Variants in IRF4 observed in about 807,000 individuals in gnomAD.
The protein encoded by IRF4 is lymphocyte-specific interferon regulatory factor.
Under a neutral mutation model 55.5 loss-of-function variants are expected in IRF4, and 13 were observed. That is an observed-to-expected ratio of 0.23 (90% CI 0.15 to 0.37). IRF4 has a LOEUF of 0.37. Ranked by LOEUF, IRF4 falls within the 10% of genes least tolerant of loss-of-function variation. IRF4 has a pLI of 1.00. For synonymous variants in IRF4, 249 were observed against 240.7 expected, an observed-to-expected ratio of 1.03 and a Z score of -0.32; for missense variants, 397 against 593.8, an observed-to-expected ratio of 0.67 and a Z score of 3.44.
chr6:405,815 T>C (rs1761529770), intron 8 of IRF4, among the ~76,000 whole-genome samples: 2 of 152,208 alleles, frequency 1.3e-5, no homozygotes, highest in Admixed American at 6.5e-5. Flanking sequence ...AAGGTTTCCA[T>C]AGATAACATG....
Position 404,286 on chromosome 6 carries a change from C to T in IRF4, c.1100-732C>T, listed in dbSNP as rs941217533. Among the ~76,000 whole-genome samples, 9 of 152,268 alleles carry T rather than the reference C, an allele frequency of 5.9e-5. No homozygotes were observed. In the South Asian group the frequency reaches 1.7e-3, roughly 28 times the overall value. ...TTGTCTTTCCAACAATGTTCCAGTC[C>T]GTTTTGTATCTTTTGGGTAGGTGTG... On this transcript the variant is annotated intron_variant, in intron 7 of 8. Transcript: ENST00000380956.
intron 5 of IRF4, 135 bp downstream of exon 5, chr6:397,387 G>T: frequency 1.9e-6 from 2 of 1,061,540 alleles, no homozygotes; most frequent in East Asian, 2.5e-5. Context: ...AGCTCGGGGA[G>T]AGGGGGGTTT....
At chr6:400,045 GC>G (rs1761358787) in intron 6 of IRF4, among the ~76,000 whole-genome samples, 1 of 152,126 alleles carries the variant, frequency 6.6e-6, no homozygotes, top group African/African-American at 2.4e-5. Flanking sequence ...AATGAAACCT[GC>G]CCCGAGAATC....
At chr6:397,539 G>A (rs1761299473) in intron 5 of IRF4, 2 of 350,318 alleles carry the variant, frequency 5.7e-6, no homozygotes, top group Non-Finnish European at 1.0e-5. Context: ...TTTTTATATA[G>A]AGAGGAGATT....
intron 8 of IRF4, among the ~76,000 whole-genome samples, chr6:406,514 C>T (rs898499746): frequency 3.3e-5 from 5 of 151,842 alleles, no homozygotes; most frequent in African/African-American, 7.3e-5. Context: ...TGCACTCCAG[C>T]CTGGGTGACA....
intron 6 of IRF4, among the ~76,000 whole-genome samples, chr6:399,582 T>C (rs1212199928): frequency 6.6e-6 from 1 of 151,986 alleles, no homozygotes; most frequent in African/African-American, 2.4e-5. Context: ...CAAGCACACG[T>C]GCTATATGTA....
intron 1 of IRF4, 100 bp from the exon 2 acceptor site, chr6:392,995 GCCT>G: frequency 1.5e-6 from 1 of 656,238 alleles, no homozygotes; most frequent in Non-Finnish European, 2.5e-6. Context: ...GCGCTTCGCA[GCCT>G]CAAAGACTCC....
At chr6:404,905 C>T (rs112639194) in intron 7 of IRF4, 113 bp from the exon 8 acceptor site, 31 of 673,894 alleles carry the variant, frequency 4.6e-5, no homozygotes, top group African/African-American at 2.7e-4. Context: ...AGTAAGAGTG[C>T]TCATTCCTCT....
In IRF4 at chr6:409,445, TAAAAA is replaced by T. The variant is rs1001661137; in HGVS notation, c.*1848_*1852del. 1.4e-5 allele frequency: 3 copies of T among 207,532 alleles called. No individual in the cohort carries two copies. The highest frequency in any genetic ancestry group is 6.8e-5 in the African/African-American group (3 of 43,988). The allele number at this position is 207,532 out of a possible 1,614,324, so 12.9% of individuals were successfully genotyped here. The stretch of plus-strand genomic sequence containing the variant: ...ACTTTTCTGTAAATATACATAAACT[TAAAAA>T]GAAAACCTCATGGAGTCATCTTGCA... On this transcript the variant is annotated 3_prime_UTR_variant, in exon 9 of 9. Coordinates refer to ENST00000380956, the MANE Select transcript of IRF4 (RefSeq NM_002460.4).
intron 2 of IRF4, among the ~76,000 whole-genome samples, chr6:394,254 G>A (rs999195545): frequency 1.3e-5 from 2 of 152,280 alleles, no homozygotes; most frequent in South Asian, 2.1e-4. Flanking sequence ...CACTGGGTGG[G>A]TAGAGCCCCC....
chr6:407,622 C>CA lies in IRF4; in HGVS notation c.*24_*25insA. On this transcript the variant is annotated 3_prime_UTR_variant, in exon 9 of 9. Transcript: ENST00000380956. ...GAAAAATGTCAAGATGAGTGGTTTT[C>CA]TTTTTCCTTTTTTTTTTTTTTTTTT... The CA allele has an allele frequency of 7.9e-7, 1 of 1,269,658 alleles. No individual in the cohort carries two copies. The highest frequency in any genetic ancestry group is 1.1e-6 in the Non-Finnish European group (1 of 932,784). The allele number at this position is 1,269,658 out of a possible 1,614,324, so 78.6% of individuals were successfully genotyped here.
intron 4 of IRF4, among the ~76,000 whole-genome samples, chr6:396,265 G>C (rs969742917): frequency 6.6e-6 from 1 of 152,242 alleles, no homozygotes; most frequent in Non-Finnish European, 1.5e-5. Context: ...ATCTCTTCAG[G>C]CTTTCTTGAT....
Position 405,006 on chromosome 6 carries a change from G to T in IRF4, c.1100-12G>T, listed in dbSNP as rs779333597. The T allele has an allele frequency of 1.3e-6, 2 of 1,557,886 alleles. No individual in the cohort carries two copies. The highest frequency in any genetic ancestry group is 1.8e-6 in the Non-Finnish European group (2 of 1,129,010). On this transcript the variant is annotated splice_polypyrimidine_tract_variant and intron_variant, in intron 7 of 8. Coordinates refer to ENST00000380956, the MANE Select transcript of IRF4 (RefSeq NM_002460.4). ...TTTCTGAACATGGTCTCTTTCTTGT[G>T]GGCTTCTACAGAGCTGCAAGCGTTT...
At chr6:404,491 C>A (rs1394347910) in intron 7 of IRF4, among the ~76,000 whole-genome samples, 1 of 152,230 alleles carries the variant, frequency 6.6e-6, no homozygotes, top group Non-Finnish European at 1.5e-5. Flanking sequence ...TGCTCAGTCA[C>A]CACGTTGACG....
At position 393,393 on chromosome 6, in the gene IRF4, GGGCGCGCC is replaced by G; in HGVS notation, c.216+28_216+35del. On this transcript the variant is annotated intron_variant, in intron 2 of 8. Coordinates refer to ENST00000380956, the MANE Select transcript of IRF4 (RefSeq NM_002460.4). The surrounding 1 kb of genome is among the most constrained non-coding windows in gnomAD (Gnocchi z 5.4). ...GGTCTCCGGCCTCGGGAGCCGGCGG[GGGCGCGCC>G]GGGGAGGGCCCAGAGACAGAGCCCG... 1 of 1,524,540 alleles carries G rather than the reference GGGCGCGCC, an allele frequency of 6.6e-7. No individual in the cohort carries two copies. The highest frequency in any genetic ancestry group is 8.8e-7 in the Non-Finnish European group (1 of 1,130,832). The allele number at this position is 1,524,540 out of a possible 1,614,324, so 94.4% of individuals were successfully genotyped here. A position where few individuals can be genotyped will look rare whatever the true frequency, so the allele number is the denominator to read the frequency against.
intron 3 of IRF4, 44 bp from the exon 4 acceptor site, chr6:395,803 C>T (rs1399165155): frequency 7.0e-7 from 1 of 1,433,280 alleles, no homozygotes; most frequent in Non-Finnish European, 9.8e-7. Flanking sequence ...TAGGTCAGTT[C>T]CTGTTTTTAC....
intron 3 of IRF4, among the ~76,000 whole-genome samples, chr6:395,558 T>TGGGAAA (rs1761229506): frequency 6.6e-6 from 1 of 152,144 alleles, no homozygotes; most frequent in Admixed American, 6.5e-5. Flanking sequence ...TGACCTCACT[T>TGGGAAA]GGGAAACATC....
At position 401,710 on chromosome 6, in the gene IRF4, C is replaced by G. The variant is rs570473541; in HGVS notation, c.1032C>G (p.Asn344Lys). The G allele has an allele frequency of 3.7e-6, 6 of 1,614,256 alleles. No homozygotes were observed. Among genetic ancestry groups the G allele is most frequent in the South Asian group, 2.2e-5 (2 of 91,082 alleles). ...IYWDGPLALCNDRPNKLERDQ... is the reference protein window; with the variant it reads ...IYWDGPLALCKDRPNKLERDQ... ...GGGACGGGCCCCTGGCGCTGTGCAA[C>G]GACCGGCCCAACAAACTGGAGAGAG... The change falls in exon 7 of 9, where the codon AAC becomes AAG. Residue 344 changes from asparagine (N) to lysine (K), a missense_variant. Physicochemically the swap from Asn to Lys is moderately conservative, Grantham distance 94. Coordinates refer to ENST00000380956, the MANE Select transcript of IRF4 (RefSeq NM_002460.4).
At chr6:403,958 G>GAA (rs11290709) in intron 7 of IRF4, among the ~76,000 whole-genome samples, 4 of 142,778 alleles carry the variant, frequency 2.8e-5, no homozygotes, top group African/African-American at 1.0e-4. Context: ...TTGAATTCTG[G>GAA]AAAAAAAAAA....
Sources: gnomAD v4.1 joint callset for allele counts (sites outside exome capture counted in the v4.1 genomes callset) on GRCh38, gnomAD v4.1.1 for gene constraint, Gnocchi (gnomAD v3.1) non-coding constraint, MANE v1.5 for transcripts, NCBI Gene and HGNC (gene_info 2026-07-23, HGNC 2026-07-21) for gene names.